NECTIN3: variants seen among roughly 807,000 people sequenced by gnomAD.
NECTIN3 encodes the protein nectin-3.
In NECTIN3, 8 loss-of-function variants were observed where a neutral mutation model predicts 49.4. The observed-to-expected ratio is 0.16, with a 90% confidence interval of 0.10 to 0.29. NECTIN3 has a LOEUF of 0.29. Ranked by LOEUF, NECTIN3 falls within the 10% of genes least tolerant of loss-of-function variation. NECTIN3 has a pLI of 1.00. For synonymous variants in NECTIN3, 277 were observed against 241.1 expected (o/e 1.15, Z -1.38); for missense variants, 581 against 654.6 (o/e 0.89, Z 1.23).
At chr3:111,094,555 AGG>A in intron 1 of NECTIN3, among the ~76,000 whole-genome samples, 1 of 152,216 alleles carries the variant, frequency 6.6e-6, no homozygotes, top group Non-Finnish European at 1.5e-5. Flanking sequence ...GTCATACTCA[AGG>A]CTATGATTTA....
At chr3:111,131,279 C>G (rs971299630) in intron 5 of NECTIN3, among the ~76,000 whole-genome samples, 4 of 151,904 alleles carry the variant, frequency 2.6e-5, no homozygotes, top group African/African-American at 7.2e-5. Context: ...CCATTATATA[C>G]TCATTTATCA....
chr3:111,111,895 GTGCA>G (rs1249254531), intron 1 of NECTIN3, 131 bp from the exon 2 acceptor site: 6 of 476,046 alleles, frequency 1.3e-5, no homozygotes, highest in East Asian at 3.3e-5. Flanking sequence ...GTGTGTGTGT[GTGCA>G]TGTGTGTGTG....
rs1434529804 is a variant in NECTIN3 at position 111,072,104 on chromosome 3, C to T, written c.87C>T (p.Leu29=). ...LSSASLLGAG[L]LLQPPTPPPL... is the part of the protein sequence containing the mutation. ...CCGCTTCTCTCCTCGGAGCCGGGCT[C>T]CTGCTGCAGCCCCCGACGCCACCTC... The change falls in exon 1 of 6, where the codon CTC becomes CTT. Residue 29 remains leucine, a synonymous_variant. Transcript: ENST00000485303. 1 of 1,549,570 alleles carries T rather than the reference C, an allele frequency of 6.5e-7. No individual in the cohort carries two copies. Among genetic ancestry groups the T allele is most frequent in the African/African-American group, 1.4e-5 (1 of 72,896 alleles).
rs539325998 is a variant in NECTIN3 at position 111,115,367 on chromosome 3, A to C, written c.502+2996A>C. On this transcript the variant is annotated intron_variant, in intron 2 of 5. Transcript: ENST00000485303. ...TGCTAGGATAGGGAATTTGAGCTCT[A>C]TATTACTGGAAATTCATATTTGTAT... Among the ~76,000 whole-genome samples, 24 of 152,350 alleles carry C rather than the reference A, an allele frequency of 1.6e-4. 1 individual carries two copies. Among genetic ancestry groups the C allele is most frequent in the African/African-American group, 5.5e-4 (23 of 41,590 alleles).
chr3:111,114,319 C>T (rs1398215369), intron 2 of NECTIN3, among the ~76,000 whole-genome samples: 2 of 151,918 alleles, frequency 1.3e-5, no homozygotes, highest in Non-Finnish European at 2.9e-5. Flanking sequence ...TTCTTTCTTC[C>T]GTGTAACTAT....
chr3:111,172,858 T>C (rs756280927), intron 7 of NECTIN3, among the ~76,000 whole-genome samples: 1 of 152,188 alleles, frequency 6.6e-6, no homozygotes, highest in Non-Finnish European at 1.5e-5. Flanking sequence ...CTACCCTATA[T>C]TATCCAGTTT....
intron 1 of NECTIN3, among the ~76,000 whole-genome samples, chr3:111,103,033 G>A (rs1489317351): frequency 3.3e-5 from 5 of 152,066 alleles, no homozygotes; most frequent in South Asian, 2.1e-4. Flanking sequence ...CCAATACCAC[G>A]TGGTCTTGAT....
intron 7 of NECTIN3, among the ~76,000 whole-genome samples, chr3:111,155,720 T>C (rs145611376): frequency 6.6e-6 from 1 of 152,190 alleles, no homozygotes; most frequent in Non-Finnish European, 1.5e-5. Context: ...TCTTTTGATA[T>C]GTTAAAAATA....
chr3:111,141,715 G>T (rs2034749290), downstream of NECTIN3, among the ~76,000 whole-genome samples: 2 of 151,750 alleles, frequency 1.3e-5, no homozygotes, highest in African/African-American at 2.4e-5. Context: ...ACAGCAAGCT[G>T]GTCTTTTTTT....
chr3:111,139,523 A>T (rs1411485552), downstream of NECTIN3, among the ~76,000 whole-genome samples: 1 of 151,806 alleles, frequency 6.6e-6, no homozygotes, highest in Non-Finnish European at 1.5e-5. Context: ...TACATCACAC[A>T]TAAGTGGTGC....
intron 5 of NECTIN3, chr3:111,144,791 T>C: frequency 7.8e-7 from 1 of 1,280,838 alleles, no homozygotes; most frequent in Non-Finnish European, 1.0e-6. Context: ...AACCTGGCTC[T>C]TGGATAACAT....
Position 111,133,611 on chromosome 3 carries a change from CTCTA to C in NECTIN3, c.1070-20_1070-17del. 1 of 1,596,592 alleles carries C rather than the reference CTCTA, an allele frequency of 6.3e-7. No homozygotes were observed. The highest frequency in any genetic ancestry group is 8.5e-7 in the Non-Finnish European group (1 of 1,170,918). On this transcript the variant is annotated intron_variant, in intron 5 of 5. Transcript: ENST00000485303. Reference sequence around the variant, plus strand: ...GACATTCTTTGCCTTTCTGTGTCTTCTCTATCTTTACTGTTTCCATTAGATCCTC... The same window carrying C: ...GACATTCTTTGCCTTTCTGTGTCTTCTCTTTACTGTTTCCATTAGATCCTC...
chr3:111,147,651 C>T (rs746868173), intron 7 of NECTIN3, among the ~76,000 whole-genome samples: 59 of 152,140 alleles, frequency 3.9e-4, no homozygotes, highest in Admixed American at 1.6e-3. Flanking sequence ...GATTACATAG[C>T]AATACCTAAG....
chr3:111,144,945 AATT>A, exon 6 of NECTIN3: 6 of 1,536,340 alleles, frequency 3.9e-6, no homozygotes, highest in Non-Finnish European at 5.2e-6. Context: ...CTGGAGCGGT[AATT>A]GGAGCTGTTC....
downstream of NECTIN3, among the ~76,000 whole-genome samples, chr3:111,138,745 T>A (rs1205279124): frequency 6.6e-6 from 1 of 151,684 alleles, no homozygotes; most frequent in Admixed American, 6.6e-5. Context: ...TTTAGAGCAA[T>A]GACCTTTTAG....
chr3:111,095,089 T>C (rs1199535952), intron 1 of NECTIN3, among the ~76,000 whole-genome samples: 2 of 152,176 alleles, frequency 1.3e-5, no homozygotes, highest in Non-Finnish European at 2.9e-5. Flanking sequence ...ATTCTCATCA[T>C]ACCAGAAGAA....
At chr3:111,180,489 T>C (rs1020324973) in intron 7 of NECTIN3, among the ~76,000 whole-genome samples, 1 of 152,220 alleles carries the variant, frequency 6.6e-6, no homozygotes, top group African/African-American at 2.4e-5. Flanking sequence ...ATCTTTATAG[T>C]TGCTGATCCT....
At chr3:111,164,803 CCT>C (rs1559815141) in intron 7 of NECTIN3, among the ~76,000 whole-genome samples, 2 of 152,092 alleles carry the variant, frequency 1.3e-5, no homozygotes, top group African/African-American at 2.4e-5. Flanking sequence ...GCAAAAATTC[CCT>C]GTTTCTAAAT....
chr3:111,180,389 G>A (rs1387998510), intron 7 of NECTIN3, among the ~76,000 whole-genome samples: 5 of 152,198 alleles, frequency 3.3e-5, no homozygotes. Context: ...ACGCATATGT[G>A]TAATTATCTT....
Sources: gnomAD v4.1 joint callset for allele counts (sites outside exome capture counted in the v4.1 genomes callset) on GRCh38, gnomAD v4.1.1 for gene constraint, MANE v1.5 for transcripts, NCBI Gene and HGNC (gene_info 2026-07-23, HGNC 2026-07-21) for gene names.